The following PGM5 variants were observed in gnomAD, a reference collection of about 807,000 sequenced individuals.
PGM5 encodes the protein phosphoglucomutase-like protein 5.
A neutral mutation model predicts 59.2 loss-of-function variants in PGM5; 23 were observed. That is an observed-to-expected ratio of 0.39 (90% CI 0.28 to 0.55). PGM5 has a LOEUF of 0.55. PGM5 is among the 20% of genes least tolerant of loss of function. The pLI is 0.66. For missense variants in PGM5, 574 were observed against 748.3 expected (o/e 0.77, Z 2.72); for synonymous variants, 214 against 286.0 (o/e 0.75, Z 2.54).
intron 9 of PGM5, among the ~76,000 whole-genome samples, chr9:68,495,830 G>A (rs1333530257): frequency 1.3e-5 from 2 of 152,124 alleles, no homozygotes; most frequent in Non-Finnish European, 2.9e-5. Context: ...TCTATCTTAT[G>A]CTGTAGGGAT....
At chr9:68,389,935 A>G (rs1418163924) in intron 4 of PGM5, among the ~76,000 whole-genome samples, 1 of 151,782 alleles carries the variant, frequency 6.6e-6, no homozygotes, top group Non-Finnish European at 1.5e-5. Flanking sequence ...TAGCCATTCT[A>G]CTCTATCTTG....
chr9:68,422,003 T>A (rs1162582636), intron 6 of PGM5, among the ~76,000 whole-genome samples: 1 of 151,920 alleles, frequency 6.6e-6, no homozygotes, highest in African/African-American at 2.4e-5. Context: ...GTTAAAGCAA[T>A]GAAGATCACT....
intron 6 of PGM5, among the ~76,000 whole-genome samples, chr9:68,434,178 A>C (rs1353425151): frequency 6.6e-6 from 1 of 151,746 alleles, no homozygotes; most frequent in Admixed American, 6.6e-5. Flanking sequence ...TTAGCTGTGC[A>C]TGGTGGTGGG....
chr9:68,450,251 AT>A (rs1823674693), intron 6 of PGM5, among the ~76,000 whole-genome samples: 1 of 151,632 alleles, frequency 6.6e-6, no homozygotes, highest in African/African-American at 2.4e-5. Flanking sequence ...GAAATAAAAA[AT>A]AAAAACAAAA....
intron 7 of PGM5, among the ~76,000 whole-genome samples, chr9:68,466,755 G>A (rs1823941548): frequency 6.6e-6 from 1 of 152,184 alleles, no homozygotes; most frequent in African/African-American, 2.4e-5. Flanking sequence ...AACTGGGGAA[G>A]GGTACTGGAG....
intron 6 of PGM5, among the ~76,000 whole-genome samples, chr9:68,429,965 C>T (rs1026278729): frequency 6.6e-5 from 10 of 152,180 alleles, no homozygotes; most frequent in African/African-American, 2.4e-4. Context: ...TTTTGTGTTG[C>T]TGGAAGAAGG....
At chr9:68,441,927 G>A (rs1355615746) in intron 6 of PGM5, among the ~76,000 whole-genome samples, 5 of 152,216 alleles carry the variant, frequency 3.3e-5, no homozygotes, top group African/African-American at 9.6e-5. Context: ...TATACTATCA[G>A]TGTTCAATTG....
At chr9:68,468,832 C>T (rs556085191) in intron 7 of PGM5, among the ~76,000 whole-genome samples, 10 of 152,248 alleles carry the variant, frequency 6.6e-5, no homozygotes, top group African/African-American at 2.4e-4. Flanking sequence ...TTTAAAATTG[C>T]CTTTTACCAT....
chr9:68,371,331 T>G (rs1821723604), intron 1 of PGM5, among the ~76,000 whole-genome samples: 1 of 152,190 alleles, frequency 6.6e-6, no homozygotes, highest in South Asian at 2.1e-4. Context: ...GCTGTAAACA[T>G]AACTAAGGAT....
At chr9:68,409,935 A>G (rs1415602461) in intron 6 of PGM5, among the ~76,000 whole-genome samples, 11 of 151,660 alleles carry the variant, frequency 7.3e-5, no homozygotes, top group Admixed American at 7.2e-4. Flanking sequence ...GGTACATCTG[A>G]CTTCGCCATT....
intron 6 of PGM5, chr9:68,428,919 A>G (rs1188099759): frequency 6.6e-6 from 1 of 152,214 alleles, no homozygotes; most frequent in Non-Finnish European, 1.5e-5. Context: ...GGTGATATCA[A>G]TTATGCAGTA....
chr9:68,373,918 T>C (rs1197415386), intron 1 of PGM5, among the ~76,000 whole-genome samples: 2 of 152,176 alleles, frequency 1.3e-5, no homozygotes, highest in African/African-American at 4.8e-5. Flanking sequence ...AGTGTAGAGA[T>C]GATATGTTTG....
intron 3 of PGM5, among the ~76,000 whole-genome samples, chr9:68,386,572 A>C (rs1822223772): frequency 1.3e-5 from 2 of 152,166 alleles, no homozygotes; most frequent in African/African-American, 4.8e-5. Context: ...GTGCAAGTTT[A>C]AAAGTATTTC....
chr9:68,488,516 A>G (rs1037265996), intron 9 of PGM5, among the ~76,000 whole-genome samples: 11 of 152,214 alleles, frequency 7.2e-5, no homozygotes, highest in Admixed American at 1.3e-4. Flanking sequence ...TTATGGGACC[A>G]TTCAAGGAGC....
chr9:68,392,814 C>T (rs1245072464), intron 6 of PGM5, among the ~76,000 whole-genome samples: 7 of 151,930 alleles, frequency 4.6e-5, no homozygotes, highest in Non-Finnish European at 1.0e-4. Context: ...GTGCCTGGTA[C>T]ATAGTAAATA....
chr9:68,436,219 G>C (rs1823438588), intron 6 of PGM5, among the ~76,000 whole-genome samples: 2 of 152,182 alleles, frequency 1.3e-5, no homozygotes, highest in Non-Finnish European at 2.9e-5. Context: ...AAACTGGTCA[G>C]TGTCCTTTGA....
chr9:68,426,166 G>GGAAAGAGAGTATAATGGA (rs1554682687), intron 6 of PGM5, among the ~76,000 whole-genome samples: 7 of 152,056 alleles, frequency 4.6e-5, no homozygotes, highest in South Asian at 4.2e-4. Flanking sequence ...TGGAAAGGAG[G>GGAAAGAGAGTATAATGGA]AATTTGGGGT....
intron 7 of PGM5, among the ~76,000 whole-genome samples, chr9:68,478,957 C>T (rs1460876252): frequency 6.6e-5 from 10 of 152,204 alleles, no homozygotes; most frequent in Non-Finnish European, 1.3e-4. Context: ...TCTTTATTTT[C>T]TTCAAAGCAC....
Position 68,475,252 on chromosome 9 carries a change from C to T in PGM5, c.1160-4166C>T, listed in dbSNP as rs185507881. 6.6e-3 allele frequency among the ~76,000 whole-genome samples: 914 copies of T among 138,902 alleles called. 11 individuals carry two copies. Among genetic ancestry groups the T allele is most frequent in the African/African-American group, 0.023 (836 of 36,546 alleles). The allele number at this position is 138,902 out of a possible 152,430, so 91.1% of individuals were successfully genotyped here. A position where few individuals can be genotyped will look rare whatever the true frequency, so the allele number is the denominator to read the frequency against. On this transcript the variant is annotated intron_variant, in intron 7 of 10. Coordinates refer to ENST00000396396, the MANE Select transcript of PGM5 (RefSeq NM_021965.4). ...GTTTCACCATGTTGGCCAGGCTGGT[C>T]TCAAACTCCTGACCTCAGGTGATTC...
Sources: allele counts gnomAD v4.1 joint callset (sites outside exome capture counted in the v4.1 genomes callset), GRCh38; gene constraint gnomAD v4.1.1; transcripts MANE v1.5; gene names NCBI Gene and HGNC (gene_info 2026-07-23, HGNC 2026-07-21).